The following PARD3 variants were observed in gnomAD, a reference collection of about 807,000 sequenced individuals.
The protein encoded by PARD3 is partitioning defective 3 homolog.
In PARD3, 75 loss-of-function variants were observed where a neutral mutation model predicts 155.4. The ratio of observed to expected loss-of-function variants is 0.48; its 90% CI spans 0.40 to 0.58. The LOEUF (loss-of-function observed/expected upper bound fraction) is 0.58, where lower values mean the gene tolerates loss of function less well. PARD3 is among the 20% of genes least tolerant of loss of function. The pLI, the probability that PARD3 is intolerant of heterozygous loss-of-function variation, is 0.00. For synonymous variants in PARD3, 576 were observed against 610.5 expected, an observed-to-expected ratio of 0.94 and a Z score of 0.83; for missense variants, 1,642 against 1,721.7, an observed-to-expected ratio of 0.95 and a Z score of 0.82.
At chr10:34,346,317 T>C in intron 15 of PARD3, 1 of 1,262,718 alleles carries the variant, frequency 7.9e-7, no homozygotes, top group Non-Finnish European at 1.0e-6. Flanking sequence ...TAGCTGAATT[T>C]AGGGATTTTT....
chr10:34,412,577 T>C (rs1845201408), intron 5 of PARD3, among the ~76,000 whole-genome samples: 1 of 152,214 alleles, frequency 6.6e-6, no homozygotes, highest in Non-Finnish European at 1.5e-5. Flanking sequence ...TTTCAACAGA[T>C]GTATTTATTA....
chr10:34,614,794 A>G (rs139041444), intron 2 of PARD3, among the ~76,000 whole-genome samples: 478 of 152,316 alleles, frequency 3.1e-3, no homozygotes, highest in Non-Finnish European at 4.8e-3. Context: ...AAATCCTAAA[A>G]TTTATATGAA....
intron 2 of PARD3, among the ~76,000 whole-genome samples, chr10:34,545,711 C>G (rs532656573): frequency 6.6e-6 from 1 of 152,094 alleles, no homozygotes; most frequent in Non-Finnish European, 1.5e-5. Context: ...CCTGCCACGA[C>G]GCCCGGCTAA....
intron 21 of PARD3, among the ~76,000 whole-genome samples, chr10:34,280,217 G>A (rs1372721939): frequency 2.0e-5 from 3 of 151,974 alleles, no homozygotes; most frequent in Non-Finnish European, 2.9e-5. Context: ...AGACCTGACC[G>A]TGATCCAGAA....
At chr10:34,416,144 C>T (rs1188402745) in intron 5 of PARD3, among the ~76,000 whole-genome samples, 1 of 152,152 alleles carries the variant, frequency 6.6e-6, no homozygotes, top group Non-Finnish European at 1.5e-5. Context: ...AATAATAGGA[C>T]ACACCGCTTG....
rs1295177069 is a variant in PARD3, at chr10:34,450,471, G to A, written c.583-23C>T. ...TTTCTATTCAAAAAGAAACAAAAAG[G>A]TGTCTTGTAAAAAACCAGACCTTGC... On this transcript the variant is annotated intron_variant, in intron 4 of 24. Coordinates refer to ENST00000374788, the MANE Select transcript of PARD3 (RefSeq NM_001184785.2). 2.5e-6 allele frequency: 4 copies of A among 1,595,752 alleles called. No individual in the cohort carries two copies. In the African/African-American group the frequency reaches 4.1e-5, roughly 16 times the overall value.
chr10:34,183,968 C>T (rs991885552), intron 22 of PARD3, among the ~76,000 whole-genome samples: 2 of 152,176 alleles, frequency 1.3e-5, no homozygotes, highest in South Asian at 2.1e-4. Context: ...AGGTGTGCGC[C>T]ATCATGGCTG....
chr10:34,123,088 G>A (rs1460771942), intron 23 of PARD3, among the ~76,000 whole-genome samples: 2 of 152,150 alleles, frequency 1.3e-5, no homozygotes, highest in Non-Finnish European at 2.9e-5. Flanking sequence ...TTCTAACAGT[G>A]CAAATTACAA....
chr10:34,550,449 T>C (rs1177357201), intron 2 of PARD3, among the ~76,000 whole-genome samples: 1 of 152,188 alleles, frequency 6.6e-6, no homozygotes, highest in African/African-American at 2.4e-5. Context: ...TAAGCCCAAG[T>C]ATCCTCCTGG....
At chr10:34,268,605 A>G (rs539132429) in intron 22 of PARD3, among the ~76,000 whole-genome samples, 1 of 152,288 alleles carries the variant, frequency 6.6e-6, no homozygotes. Flanking sequence ...GCCATAAAAA[A>G]GGATGAGTTC....
chr10:34,213,165 A>G (rs906638781), intron 22 of PARD3, among the ~76,000 whole-genome samples: 6 of 152,186 alleles, frequency 3.9e-5, no homozygotes, highest in African/African-American at 1.4e-4. Context: ...GGGCAGCTGC[A>G]TCTGGCAAGG....
chr10:34,550,768 C>A (rs1296855395), intron 2 of PARD3, among the ~76,000 whole-genome samples: 1 of 152,076 alleles, frequency 6.6e-6, no homozygotes, highest in Non-Finnish European at 1.5e-5. Flanking sequence ...AAAAATAAAA[C>A]AGCAGAAGCA....
At chr10:34,691,475 T>C (rs893978566) in intron 2 of PARD3, among the ~76,000 whole-genome samples, 1 of 152,212 alleles carries the variant, frequency 6.6e-6, no homozygotes, top group Admixed American at 6.5e-5. Context: ...TGTTCCATGC[T>C]CTTGGATTGA....
At chr10:34,780,267 C>A (rs1157317231) in intron 1 of PARD3, among the ~76,000 whole-genome samples, 1 of 152,238 alleles carries the variant, frequency 6.6e-6, no homozygotes, top group African/African-American at 2.4e-5. Flanking sequence ...ATGCTCCTTA[C>A]CATAGAGATG....
chr10:34,429,553 AGTTTT>A (rs58220151), intron 5 of PARD3, among the ~76,000 whole-genome samples: 53,480 of 144,898 alleles, frequency 0.37, 11,509 homozygotes, highest in Middle Eastern at 0.49. Context: ...ACTCTAACTC[AGTTTT>A]GTTTTGTTTT....
chr10:34,217,095 A>G (rs1193970452), intron 22 of PARD3, among the ~76,000 whole-genome samples: 1 of 152,068 alleles, frequency 6.6e-6, no homozygotes, highest in Non-Finnish European at 1.5e-5. Flanking sequence ...AGTGTGGGTG[A>G]TAGGAAATCG....
intron 22 of PARD3, among the ~76,000 whole-genome samples, chr10:34,213,376 C>A (rs1951847002): frequency 6.6e-6 from 1 of 152,206 alleles, no homozygotes; most frequent in Non-Finnish European, 1.5e-5. Flanking sequence ...TCATGAGGAT[C>A]TGCCTCAGTG....
At chr10:34,352,197 C>G (rs1013304148) in intron 14 of PARD3, among the ~76,000 whole-genome samples, 12 of 152,194 alleles carry the variant, frequency 7.9e-5, no homozygotes, top group African/African-American at 2.9e-4. Context: ...ATATTTAAAA[C>G]TCAGCATAAT....
chr10:34,605,626 A>ATATATATCTCC (rs2090253530), intron 2 of PARD3, among the ~76,000 whole-genome samples: 1 of 36,622 alleles, frequency 2.7e-5, no homozygotes, highest in African/African-American at 3.1e-4. Context: ...TATATCTCCT[A>ATATATATCTCC]TATATATATA....
Sources: allele counts gnomAD v4.1 joint callset (sites outside exome capture counted in the v4.1 genomes callset), GRCh38; gene constraint gnomAD v4.1.1; transcripts MANE v1.5; gene names NCBI Gene and HGNC (gene_info 2026-07-23, HGNC 2026-07-21).